Variants in HCRTR2 observed in about 807,000 individuals in gnomAD.
The protein encoded by HCRTR2 is hypocretin receptor 2, also known as orexin receptor type 2.
A neutral mutation model predicts 49.0 loss-of-function variants in HCRTR2; 22 were observed. That is an observed-to-expected ratio of 0.45 (90% CI 0.32 to 0.64). The LOEUF is 0.64. Ranked by LOEUF, HCRTR2 falls within the 30% of genes least tolerant of loss-of-function variation. The probability of loss-of-function intolerance (pLI) is 0.04; values close to 1 mark genes in which losing one functional copy is unlikely to be tolerated. For synonymous variants in HCRTR2, 236 were observed against 205.3 expected (o/e 1.15, Z -1.28); for missense variants, 491 against 559.4 (o/e 0.88, Z 1.23).
chr6:55,208,203 G>A (rs908492516), intron 1 of HCRTR2, among the ~76,000 whole-genome samples: 5 of 151,974 alleles, frequency 3.3e-5, no homozygotes, highest in African/African-American at 1.2e-4. Flanking sequence ...GGCTGGGCAT[G>A]GTGGCTCACA....
In HCRTR2 at chr6:55,161,191, G is replaced by A. The variant is rs193294904; in HGVS notation, c.-377-13020G>A. ...TGGAATAAGAAACTCACTCAAAACCGCACAACTACATGGAAACTGAACAAC... is the reference window on the plus strand; with the variant it reads ...TGGAATAAGAAACTCACTCAAAACCACACAACTACATGGAAACTGAACAAC... On this transcript the variant is annotated intron_variant, in intron 1 of 7. Transcript: ENST00000615358. Among the ~76,000 whole-genome samples the A allele has an allele frequency of 5.7e-3, 873 of 152,054 alleles. 7 individuals carry two copies. The highest frequency in any genetic ancestry group is 0.02 in the African/African-American group (824 of 41,468).
At chr6:55,216,474 C>T (rs561053939) in intron 1 of HCRTR2, among the ~76,000 whole-genome samples, 93 of 152,212 alleles carry the variant, frequency 6.1e-4, no homozygotes, top group African/African-American at 2.2e-3. Context: ...TTCTAAAATA[C>T]AGTGCTGGTA....
At chr6:55,167,802 G>T (rs1489092677) in intron 1 of HCRTR2, among the ~76,000 whole-genome samples, 1 of 152,028 alleles carries the variant, frequency 6.6e-6, no homozygotes, top group East Asian at 1.9e-4. Context: ...CTCTTTTTCT[G>T]CCCTCTATTA....
intron 3 of HCRTR2, among the ~76,000 whole-genome samples, chr6:55,261,172 T>C (rs1244310638): frequency 6.6e-6 from 1 of 152,184 alleles, no homozygotes; most frequent in African/African-American, 2.4e-5. Flanking sequence ...AGGTAGACCA[T>C]TGTGATATAT....
chr6:55,219,551 C>T (rs1054689456), intron 1 of HCRTR2, among the ~76,000 whole-genome samples: 2 of 151,878 alleles, frequency 1.3e-5, no homozygotes, highest in African/African-American at 4.8e-5. Context: ...TTATGGAATG[C>T]AACAAAAGTG....
chr6:55,142,997 TA>T (rs1764529895), intron 1 of HCRTR2, among the ~76,000 whole-genome samples: 5 of 134,204 alleles, frequency 3.7e-5, no homozygotes, highest in African/African-American at 1.0e-4. Flanking sequence ...AGATGATAGA[TA>T]GATAGATAGA....
chr6:55,200,351 G>A (rs944960064), intron 1 of HCRTR2, among the ~76,000 whole-genome samples: 2 of 150,352 alleles, frequency 1.3e-5, no homozygotes, highest in Non-Finnish European at 3.0e-5. Flanking sequence ...TGCAACTCCC[G>A]CCTCCTGGGT....
chr6:55,270,317 T>C (rs1766949384), intron 4 of HCRTR2, among the ~76,000 whole-genome samples: 1 of 152,224 alleles, frequency 6.6e-6, no homozygotes, highest in Non-Finnish European at 1.5e-5. Context: ...TCATTTACAA[T>C]CATAATTATT....
intron 1 of HCRTR2, among the ~76,000 whole-genome samples, chr6:55,128,778 G>A (rs1764315438): frequency 1.3e-5 from 2 of 152,024 alleles, no homozygotes; most frequent in Non-Finnish European, 2.9e-5. Flanking sequence ...GGAAGAATAG[G>A]GAATAGTTAG....
rs143556984 is a variant in HCRTR2 at position 55,129,876 on chromosome 6, G to A, written c.-378+23331G>A. Among the ~76,000 whole-genome samples, 17 of 152,086 alleles carry A rather than the reference G, an allele frequency of 1.1e-4. No homozygotes were observed. In the East Asian group the frequency reaches 2.1e-3, roughly 19 times the overall value. The stretch of plus-strand genomic sequence containing the variant: ...CTATAGAAGTTGCCTTTGAGAATAA[G>A]TTCTCTTTTACTTTAACCCCTTAGT... On this transcript the variant is annotated intron_variant, in intron 1 of 7. Transcript: ENST00000615358.
intron 1 of HCRTR2, among the ~76,000 whole-genome samples, chr6:55,120,875 T>C (rs1398645640): frequency 2.6e-5 from 4 of 152,230 alleles, no homozygotes; most frequent in South Asian, 2.1e-4. Context: ...TTGCTTACTG[T>C]AGCCTTGTAG....
At chr6:55,240,244 G>C (rs891584867) in intron 1 of HCRTR2, among the ~76,000 whole-genome samples, 2 of 150,424 alleles carry the variant, frequency 1.3e-5, no homozygotes, top group Admixed American at 6.7e-5. Flanking sequence ...TGTAGTTCCA[G>C]CTACTCAGGA....
chr6:55,107,182 T>C lies in HCRTR2; in HGVS notation c.-378+637T>C, dbSNP rs150797094. The stretch of plus-strand genomic sequence containing the variant: ...TTCTGGTAATTATTCTTTAAAATTT[T>C]ATGATTTTTAAAAATTGATCATTTA... On this transcript the variant is annotated intron_variant, in intron 1 of 7. Transcript: ENST00000615358. 1.2e-3 allele frequency among the ~76,000 whole-genome samples: 177 copies of C among 152,324 alleles called. 1 individual carries two copies. The highest frequency in any genetic ancestry group is 4.3e-3 in the South Asian group (21 of 4,828).
intron 1 of HCRTR2, among the ~76,000 whole-genome samples, chr6:55,157,684 A>G (rs1764748684): frequency 1.3e-5 from 2 of 152,232 alleles, no homozygotes. Flanking sequence ...GCCAGCAAAG[A>G]GAGAGTGACT....
intron 1 of HCRTR2, among the ~76,000 whole-genome samples, chr6:55,120,552 C>G (rs930544418): frequency 2.0e-5 from 3 of 150,358 alleles, no homozygotes; most frequent in Non-Finnish European, 4.4e-5. Flanking sequence ...ATTTGGCTCA[C>G]TGTTTGTTAT....
chr6:55,121,664 G>A (rs1292249270), intron 1 of HCRTR2, among the ~76,000 whole-genome samples: 1 of 152,038 alleles, frequency 6.6e-6, no homozygotes, highest in African/African-American at 2.4e-5. Context: ...AGAATTTTTA[G>A]CATGAAAGGC....
At chr6:55,149,858 CTG>C (rs1288031569) in intron 1 of HCRTR2, among the ~76,000 whole-genome samples, 1 of 151,954 alleles carries the variant, frequency 6.6e-6, no homozygotes, top group Non-Finnish European at 1.5e-5. Context: ...GAACTTCTGA[CTG>C]GAAATCATTT....
chr6:55,135,319 C>A (rs879834838), intron 1 of HCRTR2, among the ~76,000 whole-genome samples: 7 of 151,984 alleles, frequency 4.6e-5, no homozygotes, highest in Admixed American at 1.3e-4. Context: ...TTAGATAAAA[C>A]CCATAATTAG....
At chr6:55,228,330 GA>G (rs989937477) in intron 1 of HCRTR2, among the ~76,000 whole-genome samples, 2 of 132,642 alleles carry the variant, frequency 1.5e-5, no homozygotes, top group East Asian at 2.0e-4. Flanking sequence ...TAGAGTTTAG[GA>G]AAAAAAATTA....
Sources: allele counts gnomAD v4.1 joint callset (sites outside exome capture counted in the v4.1 genomes callset), GRCh38; gene constraint gnomAD v4.1.1; transcripts MANE v1.5; gene names NCBI Gene and HGNC (gene_info 2026-07-23, HGNC 2026-07-21).